ARHGAP21: variants seen among roughly 807,000 people sequenced by gnomAD.
ARHGAP21 encodes rho GTPase-activating protein 21.
Under a neutral mutation model 164.6 loss-of-function variants are expected in ARHGAP21, and 38 were observed. The ratio of observed to expected loss-of-function variants is 0.23; its 90% CI spans 0.18 to 0.30. The LOEUF (loss-of-function observed/expected upper bound fraction) is 0.30, where lower values mean the gene tolerates loss of function less well. Among genes scored for constraint, ARHGAP21 ranks in the 10% least tolerant of loss-of-function variants. ARHGAP21 has a pLI of 1.00. For synonymous variants in ARHGAP21, 766 were observed against 857.9 expected, an observed-to-expected ratio of 0.89 and a Z score of 1.87; for missense variants, 1,822 against 2,370.7, an observed-to-expected ratio of 0.77 and a Z score of 4.81.
intron 13 of ARHGAP21, among the ~76,000 whole-genome samples, chr10:24,601,283 TAC>T (rs2076802331): frequency 6.6e-6 from 1 of 152,246 alleles, no homozygotes; most frequent in Admixed American, 6.5e-5. Flanking sequence ...GTGAAAGACT[TAC>T]GTCTTAGAGC....
chr10:24,602,652 T>C (rs1413506361), intron 12 of ARHGAP21, among the ~76,000 whole-genome samples: 1 of 152,076 alleles, frequency 6.6e-6, no homozygotes, highest in Non-Finnish European at 1.5e-5. Flanking sequence ...TTCTAGGCCA[T>C]GGTAGGAAGT....
chr10:24,629,161 A>G (rs990225651), intron 7 of ARHGAP21: 1 of 149,296 alleles, frequency 6.7e-6, no homozygotes, highest in Non-Finnish European at 1.5e-5. Context: ...ATGCCCAGCT[A>G]ATTTTTGTAT....
chr10:24,596,703 A>ATGAC (rs751645396), intron 17 of ARHGAP21, 37 bp downstream of exon 17: 1 of 1,612,772 alleles, frequency 6.2e-7, no homozygotes. Flanking sequence ...AACTGAATTA[A>ATGAC]TGACTTGAGG....
intron 11 of ARHGAP21, among the ~76,000 whole-genome samples, chr10:24,607,135 T>C (rs1396802952): frequency 6.6e-6 from 1 of 152,228 alleles, no homozygotes; most frequent in African/African-American, 2.4e-5. Context: ...GTGTCATTTG[T>C]TTGTAAAAAT....
At chr10:24,665,774 G>C (rs1840131622) in intron 4 of ARHGAP21, among the ~76,000 whole-genome samples, 1 of 152,142 alleles carries the variant, frequency 6.6e-6, no homozygotes, top group African/African-American at 2.4e-5. Context: ...GTATGACCTT[G>C]AACTAGGGAG....
intron 4 of ARHGAP21, among the ~76,000 whole-genome samples, chr10:24,644,643 T>C (rs376525788): frequency 6.6e-6 from 1 of 152,180 alleles, no homozygotes; most frequent in East Asian, 1.9e-4. Context: ...GGACAAATTT[T>C]CCACTCCCCT....
At chr10:24,639,262 G>A (rs1382555221) in intron 4 of ARHGAP21, among the ~76,000 whole-genome samples, 1 of 152,084 alleles carries the variant, frequency 6.6e-6, no homozygotes, top group Non-Finnish European at 1.5e-5. Context: ...AAGTTTAATT[G>A]AGCATTCTGT....
intron 2 of ARHGAP21, among the ~76,000 whole-genome samples, chr10:24,670,897 T>C (rs1392770325): frequency 6.6e-6 from 1 of 152,202 alleles, no homozygotes; most frequent in African/African-American, 2.4e-5. Context: ...ATAACCCTTC[T>C]GATACCCTGG....
intron 4 of ARHGAP21, among the ~76,000 whole-genome samples, chr10:24,646,114 G>A (rs1025053702): frequency 1.3e-5 from 2 of 152,188 alleles, no homozygotes; most frequent in Non-Finnish European, 2.9e-5. Context: ...GCATTTACAT[G>A]TAAATATTTC....
intron 4 of ARHGAP21, among the ~76,000 whole-genome samples, chr10:24,661,775 T>C (rs115079829): frequency 0.01 from 1,555 of 152,354 alleles, 23 homozygotes; most frequent in African/African-American, 0.036. Flanking sequence ...AAATACTAAA[T>C]TATACATAGT....
intron 9 of ARHGAP21, 70 bp from the exon 10 acceptor site, chr10:24,607,973 A>C: frequency 4.2e-6 from 6 of 1,431,540 alleles, no homozygotes; most frequent in Non-Finnish European, 3.8e-6. Flanking sequence ...TCAGTCAATA[A>C]TCATTATTAA....
At chr10:24,683,153 G>T (rs1341711819) in intron 2 of ARHGAP21, among the ~76,000 whole-genome samples, 1 of 150,232 alleles carries the variant, frequency 6.7e-6, no homozygotes, top group Non-Finnish European at 1.5e-5. Flanking sequence ...CTCACAACAT[G>T]AACTTGAACA....
At chr10:24,646,947 T>C (rs545274149) in intron 4 of ARHGAP21, among the ~76,000 whole-genome samples, 1 of 152,322 alleles carries the variant, frequency 6.6e-6, no homozygotes, top group Admixed American at 6.5e-5. Context: ...AAGAAGTTCC[T>C]TCCAGAGGAG....
At chr10:24,589,493 A>T in intron 24 of ARHGAP21, 191 bp from the exon 25 acceptor site, 1 of 520,532 alleles carries the variant, frequency 1.9e-6, no homozygotes, top group Non-Finnish European at 3.4e-6. Flanking sequence ...CCATGAAAGG[A>T]TGCTGTGAAT....
chr10:24,637,946 C>T (rs1836560194), intron 4 of ARHGAP21, among the ~76,000 whole-genome samples: 2 of 151,120 alleles, frequency 1.3e-5, no homozygotes, highest in South Asian at 2.1e-4. Context: ...CTCACTGTAA[C>T]CTCTGCCTCC....
chr10:24,687,371 C>A lies in ARHGAP21; in HGVS notation c.64-16974G>T, dbSNP rs117826514. 1.5e-3 allele frequency among the ~76,000 whole-genome samples: 234 copies of A among 152,252 alleles called. 5 individuals carry two copies. The East Asian group carries it at 0.038, about 25-fold the overall frequency. ...ACCTCAAAAATGAATGAAATTTATACGAAATGAGTAAAGTTTACATAAAAC... is the reference window on the plus strand; with the variant it reads ...ACCTCAAAAATGAATGAAATTTATAAGAAATGAGTAAAGTTTACATAAAAC... On this transcript the variant is annotated intron_variant, in intron 2 of 25. Transcript: ENST00000396432.
At chr10:24,657,285 G>A (rs1202679974) in intron 4 of ARHGAP21, among the ~76,000 whole-genome samples, 2 of 34,502 alleles carry the variant, frequency 5.8e-5, no homozygotes, top group Non-Finnish European at 1.0e-4. Context: ...CGCCCCGTCC[G>A]GGAGGGAGGT....
chr10:24,601,886 G>C (rs2076828873), intron 13 of ARHGAP21, 92 bp downstream of exon 13: 5 of 1,283,140 alleles, frequency 3.9e-6, no homozygotes, highest in African/African-American at 3.1e-5. Flanking sequence ...TCTTTAATCT[G>C]GATATCATGC....
intron 4 of ARHGAP21, among the ~76,000 whole-genome samples, chr10:24,637,931 C>T (rs953693643): frequency 6.7e-6 from 1 of 149,760 alleles, no homozygotes; most frequent in South Asian, 2.1e-4. Flanking sequence ...GTGGTGTGAT[C>T]TTGGCTCACT....
Sources: gnomAD v4.1 joint callset for allele counts (sites outside exome capture counted in the v4.1 genomes callset) on GRCh38, gnomAD v4.1.1 for gene constraint, MANE v1.5 for transcripts, NCBI Gene and HGNC (gene_info 2026-07-23, HGNC 2026-07-21) for gene names.